The following TSKS variants were observed in gnomAD, a reference collection of about 807,000 sequenced individuals.
TSKS encodes the protein testis-specific serine kinase substrate.
A neutral mutation model predicts 68.0 loss-of-function variants in TSKS; 27 were observed. That is an observed-to-expected ratio of 0.40 (90% CI 0.29 to 0.55). TSKS has a LOEUF of 0.55. Among genes scored for constraint, TSKS ranks in the 20% least tolerant of loss-of-function variants. The probability of loss-of-function intolerance (pLI) is 0.53; values close to 1 mark genes in which losing one functional copy is unlikely to be tolerated. For synonymous variants in TSKS, 331 were observed against 340.4 expected (o/e 0.97, Z 0.30); for missense variants, 806 against 776.0 (o/e 1.04, Z -0.46).
Position 49,740,095 on chromosome 19 carries a change from G to A in TSKS, c.1586C>T (p.Ala529Val), listed in dbSNP as rs772272708. The A allele has an allele frequency of 3.1e-6, 5 of 1,614,164 alleles. No homozygotes were observed. In the South Asian group the frequency reaches 4.4e-5, roughly 14 times the overall value. Residue 529 changes from alanine (A) to valine (V), a missense_variant, in exon 10 of 11, where the codon GCC becomes GTC. Ala to Val is a moderately conservative substitution (Grantham distance 64). Transcript: ENST00000246801. Reference sequence around the variant, plus strand: ...CTTGTCTGTCAGCAGTAGGTTCTTGGCCCGCAGGGCCTCGTCTTGGGCCAG... The same window carrying A: ...CTTGTCTGTCAGCAGTAGGTTCTTGACCCGCAGGGCCTCGTCTTGGGCCAG... ...LRLAQDEALRAKNLLLTDKMK... is the reference protein window; with the variant it reads ...LRLAQDEALRVKNLLLTDKMK...
Position 49,763,203 on chromosome 19 carries a change from G to A in TSKS, c.45C>T (p.Ile15=), listed in dbSNP as rs749126112. ...CCGTGGGGGTGTCCCCGGCCTCATG[G>A]ATCTCTTTGGACTGCCAGATCGTCT... The part of the protein sequence containing the change: ...VVKTIWQSKE[I]HEAGDTPTGV... The change falls in exon 1 of 11, where the codon ATC becomes ATT. Residue 15 remains isoleucine (I), a synonymous_variant. Coordinates refer to ENST00000246801, the MANE Select transcript of TSKS (RefSeq NM_021733.2). This position sits in a 1 kb window ranked among gnomAD's most constrained non-coding sequence, Gnocchi z 4.5. 6 of 1,566,934 alleles carry A rather than the reference G, an allele frequency of 3.8e-6. No homozygotes were observed. Among genetic ancestry groups the A allele is most frequent in the Non-Finnish European group, 4.3e-6 (5 of 1,157,904 alleles).
intron 2 of TSKS, among the ~76,000 whole-genome samples, chr19:49,753,434 C>T (rs987606402): frequency 2.6e-5 from 4 of 151,668 alleles, no homozygotes; most frequent in Non-Finnish European, 4.4e-5. Flanking sequence ...TGGTGGCGGG[C>T]GCCTGTAGTC....
At chr19:49,742,928 C>G (rs2084264030) in intron 8 of TSKS, among the ~76,000 whole-genome samples, 1 of 152,098 alleles carries the variant, frequency 6.6e-6, no homozygotes, top group Admixed American at 6.6e-5. Flanking sequence ...TACAATGGAC[C>G]TTCCCACAAT....
chr19:49,748,206 G>C, intron 3 of TSKS, 38 bp from the exon 4 acceptor site: 1 of 1,606,340 alleles, frequency 6.2e-7, no homozygotes, highest in East Asian at 2.2e-5. Context: ...CCAAGGACAC[G>C]AGGGGACAGC....
chr19:49,762,111 T>C lies in TSKS; in HGVS notation c.292A>G (p.Thr98Ala), dbSNP rs377619713. Residue 98 changes from threonine (T) to alanine (A), a missense_variant, in exon 2 of 11, where the codon ACA (threonine) becomes GCA (alanine). Coordinates refer to ENST00000246801, the MANE Select transcript of TSKS (RefSeq NM_021733.2). The part of the protein sequence containing the change: ...AAMEPTDSTG[T>A]DSTVEDLSGQ... ...CTGAGGTCTTCCACTGTGGAGTCTGTCCCCGTGGAGTCAGTGGGCTCCATG... is the reference window on the plus strand; with the variant it reads ...CTGAGGTCTTCCACTGTGGAGTCTGCCCCCGTGGAGTCAGTGGGCTCCATG... 1.2e-6 allele frequency: 2 copies of C among 1,613,938 alleles called. No individual in the cohort carries two copies. Among genetic ancestry groups the C allele is most frequent in the Non-Finnish European group, 1.7e-6 (2 of 1,180,006 alleles).
In TSKS at chr19:49,756,400, A is replaced by T. The variant is rs1332964644; in HGVS notation, c.399+5604T>A. Among the ~76,000 whole-genome samples, 5 of 152,120 alleles carry T rather than the reference A, an allele frequency of 3.3e-5. No homozygotes were observed. In the East Asian group the frequency reaches 9.6e-4, roughly 29 times the overall value. On this transcript the variant is annotated intron_variant, in intron 2 of 10. Transcript: ENST00000246801. Reference sequence around the variant, plus strand: ...TTTGAGCCCAGGAGGTTGAGGCTGCAGTGAGCTATGATGGCACCATTGCAC... The same window carrying T: ...TTTGAGCCCAGGAGGTTGAGGCTGCTGTGAGCTATGATGGCACCATTGCAC...
chr19:49,749,349 G>T (rs193101336), intron 2 of TSKS, among the ~76,000 whole-genome samples: 2 of 152,140 alleles, frequency 1.3e-5, no homozygotes, highest in South Asian at 4.1e-4. Flanking sequence ...GATTCAGAAC[G>T]CTTGTTTTAA....
chr19:49,756,088 C>T (rs114352235), intron 2 of TSKS, among the ~76,000 whole-genome samples: 135 of 152,190 alleles, frequency 8.9e-4, no homozygotes, highest in African/African-American at 3.2e-3. Context: ...TACTAGCAAA[C>T]CAAATCCAAC....
chr19:49,762,724 A>G (rs1292160821), intron 1 of TSKS, among the ~76,000 whole-genome samples: 1 of 149,224 alleles, frequency 6.7e-6, no homozygotes, highest in African/African-American at 2.5e-5. Context: ...ACCGTGCCCG[A>G]CCACCACTGT....
rs745545327 is a variant in TSKS, at chr19:49,746,525, G to T, written c.937C>A (p.Pro313Thr). The T allele has an allele frequency of 2.5e-6, 4 of 1,613,684 alleles. No homozygotes were observed. The highest frequency in any genetic ancestry group is 2.7e-5 in the African/African-American group (2 of 74,938). Residue 313 changes from proline (P) to threonine (T), a missense_variant, in exon 6 of 11, where the codon CCC becomes ACC. Pro to Thr is a conservative substitution (Grantham distance 38). Coordinates refer to ENST00000246801, the MANE Select transcript of TSKS (RefSeq NM_021733.2). ...WGMGPRAGEG[P>T]YVSEQELQKL... ...TGCAATTCCTGCTCGCTCACGTAGGGGCCCTCGCCAGCCCGAGGCCCCATT... is the reference window on the plus strand; with the variant it reads ...TGCAATTCCTGCTCGCTCACGTAGGTGCCCTCGCCAGCCCGAGGCCCCATT...
In TSKS at chr19:49,763,096, T is replaced by A. The variant is rs140939728; in HGVS notation, c.152A>T (p.Lys51Met). 1.5e-5 allele frequency: 24 copies of A among 1,612,248 alleles called. No individual in the cohort carries two copies. Among genetic ancestry groups the A allele is most frequent in the Non-Finnish European group, 2.0e-5 (24 of 1,179,156 alleles). Residue 51 changes from lysine (K) to methionine (M), a missense_variant, in exon 1 of 11, where the codon AAG (lysine) becomes ATG (methionine). By Grantham distance (95) the Lys-to-Met change is moderately conservative. Coordinates refer to ENST00000246801, the MANE Select transcript of TSKS (RefSeq NM_021733.2). This position sits in a 1 kb window ranked among gnomAD's most constrained non-coding sequence, Gnocchi z 4.5. ...SRAKGIPKKK[K>M]AVSFHGVEPQ... ...AACCCACCCGTGGAACGACACGGCC[T>A]TCTTTTTCTTCGGGATCCCCTTGGC...
chr19:49,761,727 G>T (rs2084442019), intron 2 of TSKS, among the ~76,000 whole-genome samples: 1 of 152,130 alleles, frequency 6.6e-6, no homozygotes. Flanking sequence ...ACTGTGGGAG[G>T]CCGAGGTGGG....
intron 3 of TSKS, 83 bp from the exon 4 acceptor site, chr19:49,748,251 C>T (rs570584450): frequency 6.3e-7 from 1 of 1,578,428 alleles, no homozygotes; most frequent in East Asian, 2.2e-5. Flanking sequence ...GGGAAGGTTC[C>T]TTTTCTTTCT....
At chr19:49,747,026 C>T (rs1199434634) in intron 5 of TSKS, 12 of 1,251,056 alleles carry the variant, frequency 9.6e-6, no homozygotes, top group Non-Finnish European at 1.3e-5. Flanking sequence ...GGTATCCACC[C>T]GGCCCTCCAA....
chr19:49,757,151 C>T (rs2084398659), intron 2 of TSKS, among the ~76,000 whole-genome samples: 1 of 152,202 alleles, frequency 6.6e-6, no homozygotes, highest in Non-Finnish European at 1.5e-5. Flanking sequence ...CTCTCTTCAT[C>T]TAGGGAACGA....
intron 2 of TSKS, among the ~76,000 whole-genome samples, chr19:49,750,409 C>G (rs2084340510): frequency 6.6e-6 from 1 of 151,992 alleles, no homozygotes; most frequent in South Asian, 2.1e-4. Context: ...CGGGCGTGCA[C>G]CACCACACCA....
chr19:49,742,983 T>A (rs1170844776), intron 8 of TSKS, among the ~76,000 whole-genome samples: 1 of 152,020 alleles, frequency 6.6e-6, no homozygotes, highest in Non-Finnish European at 1.5e-5. Context: ...TACACCAAGG[T>A]CTCACTTCCC....
chr19:49,762,801 T>G (rs1831073775), intron 1 of TSKS, among the ~76,000 whole-genome samples: 1 of 152,060 alleles, frequency 6.6e-6, no homozygotes, highest in Non-Finnish European at 1.5e-5. Flanking sequence ...ACTTTCTTCT[T>G]CATTCACTAG....
intron 2 of TSKS, among the ~76,000 whole-genome samples, chr19:49,760,367 C>G (rs1012511118): frequency 1.3e-5 from 2 of 151,384 alleles, no homozygotes; most frequent in Non-Finnish European, 2.9e-5. Context: ...GTCGCCCAGG[C>G]TGGAGTGCAG....
Sources: allele counts gnomAD v4.1 joint callset (sites outside exome capture counted in the v4.1 genomes callset), GRCh38; gene constraint gnomAD v4.1.1; non-coding constraint Gnocchi (gnomAD v3.1); transcripts MANE v1.5; gene names NCBI Gene and HGNC (gene_info 2026-07-23, HGNC 2026-07-21).